The following DNAH2 variants were observed in gnomAD, a reference collection of about 807,000 sequenced individuals.
The protein encoded by DNAH2 is axonemal beta dynein heavy chain 2.
Under a neutral mutation model 523.5 loss-of-function variants are expected in DNAH2, and 323 were observed. The observed-to-expected ratio is 0.62, with a 90% CI of 0.56 to 0.68. The LOEUF is 0.68. DNAH2 is among the 30% of genes least tolerant of loss of function. DNAH2 has a pLI of 0.00. For missense variants in DNAH2, 4,907 were observed against 5,701.5 expected (o/e 0.86, Z 4.49); for synonymous variants, 2,093 against 2,177.4 (o/e 0.96, Z 1.08).
chr17:7,770,100 C>A, intron 24 of DNAH2, 152 bp from the exon 25 acceptor site: 1 of 1,035,604 alleles, frequency 9.7e-7, no homozygotes, highest in Non-Finnish European at 1.4e-6. Context: ...TTCGTATTCC[C>A]CTGGTGCCTA....
Position 7,737,125 on chromosome 17 carries a change from A to G in DNAH2, c.1037A>G (p.Tyr346Cys), listed in dbSNP as rs750983384. The G allele has an allele frequency of 4.8e-5, 77 of 1,614,042 alleles. No homozygotes were observed. The highest frequency in any genetic ancestry group is 6.4e-5 in the Non-Finnish European group (75 of 1,180,024). ...LTFLSILKEP[Y>C]QELAFMKPKD... ...TTTTTGTCAATCCTGAAGGAACCTT[A>G]CCAGGAGTTGGCTTTCATGAAGCCC... The change falls in exon 8 of 86, where the codon TAC (tyrosine) becomes TGC (cysteine). Residue 346 changes from tyrosine to cysteine, a missense_variant. This residue lies in a region of DNAH2 where 2,806 missense variants were observed against 3,190.8 expected (regional missense o/e 0.88). Transcript: ENST00000572933.
chr17:7,771,594 C>T (rs2076318176), intron 28 of DNAH2, 126 bp downstream of exon 28: 10 of 1,047,642 alleles, frequency 9.5e-6, no homozygotes, highest in African/African-American at 1.6e-5. Context: ...ATCTCCATCA[C>T]CTCTTCTAAG....
chr17:7,798,313 A>T lies in DNAH2; in HGVS notation c.8387A>T (p.Glu2796Val). Reference protein sequence around the residue: ...IEVTKHYRKQEFRDDIKRLYR... With the variant: ...IEVTKHYRKQVFRDDIKRLYR... Reference sequence around the variant, plus strand: ...GTCACCAAACATTATCGGAAGCAGGAGTTCCGAGATGGTACGGCTGGGTTT... The same window carrying T: ...GTCACCAAACATTATCGGAAGCAGGTGTTCCGAGATGGTACGGCTGGGTTT... Residue 2796 changes from glutamate to valine, a missense_variant, in exon 54 of 86, where the codon GAG becomes GTG. Coordinates refer to ENST00000572933, the MANE Select transcript of DNAH2 (RefSeq NM_020877.5). This position sits in a 1 kb window ranked among gnomAD's most constrained non-coding sequence, Gnocchi z 5.5. 6.2e-7 allele frequency: 1 copy of T among 1,610,538 alleles called. No individual in the cohort carries two copies.
intron 47 of DNAH2, 30 bp downstream of exon 47, chr17:7,792,885 C>T (rs371560548): frequency 5.4e-5 from 87 of 1,605,548 alleles, no homozygotes; most frequent in African/African-American, 6.7e-5. Flanking sequence ...GCCAGGCTGC[C>T]GGCTCCCTTG....
chr17:7,824,342 C>G, intron 76 of DNAH2, 38 bp downstream of exon 76: 1 of 1,496,584 alleles, frequency 6.7e-7, no homozygotes, highest in South Asian at 1.4e-5. Context: ...CATCTTCAGC[C>G]CAGTCCTTGT....
chr17:7,797,397 CAG>C lies in DNAH2; in HGVS notation c.7950_7951del. 6.2e-7 allele frequency: 1 copy of C among 1,614,136 alleles called. No homozygotes were observed. The highest frequency in any genetic ancestry group is 8.5e-7 in the Non-Finnish European group (1 of 1,180,036). ...CGATCTCACCCCAGTTCCCTGCCCA[CAG>C]AGTCTTCTCTGACCGGCTGGTTGAT... On this transcript the variant is annotated splice_acceptor_variant, in intron 51 of 85. Transcript: ENST00000572933. LOFTEE classifies it high-confidence loss of function.
At chr17:7,781,716 G>A (rs919528868) in intron 39 of DNAH2, among the ~76,000 whole-genome samples, 7 of 152,194 alleles carry the variant, frequency 4.6e-5, no homozygotes, top group African/African-American at 1.7e-4. Context: ...ACCTGCTCAA[G>A]TGCATCCATG....
intron 61 of DNAH2, 145 bp downstream of exon 61, chr17:7,805,538 G>A (rs928667711): frequency 2.9e-5 from 35 of 1,224,582 alleles, no homozygotes; most frequent in Non-Finnish European, 3.4e-5. Context: ...AAAGGAGACC[G>A]CATGAATATC....
At chr17:7,788,370 G>A in intron 44 of DNAH2, 126 bp downstream of exon 44, 1 of 1,226,406 alleles carries the variant, frequency 8.2e-7, no homozygotes, top group South Asian at 1.6e-5. Context: ...GAGACTCCAG[G>A]GGGAGGCTTC....
chr17:7,741,281 TCTTTCTTTCTTTCTTCCTTC>T lies in DNAH2; in HGVS notation c.1689+293_1689+312del, dbSNP rs1567624648. 3.7e-4 allele frequency among the ~76,000 whole-genome samples: 21 copies of T among 56,652 alleles called. No homozygotes were observed. In the East Asian group the frequency reaches 4.5e-3, roughly 12 times the overall value. 37.2% of individuals were successfully genotyped at this position (56,652 alleles called of 152,430 possible). On this transcript the variant is annotated intron_variant, in intron 11 of 85. Coordinates refer to ENST00000572933, the MANE Select transcript of DNAH2 (RefSeq NM_020877.5). ...TTCTTTCTTTCTTTCTTTCTTTCTTTCTTTCTTTCTTTCTTCCTTCCTTCCCTCCCTCCCTCCCTCCCTCC... is the reference window on the plus strand; with the variant it reads ...TTCTTTCTTTCTTTCTTTCTTTCTTTCTTCCCTCCCTCCCTCCCTCCCTCC...
In DNAH2 at chr17:7,781,097, C is replaced by A. The variant is rs369752188; in HGVS notation, c.6059C>A (p.Ala2020Glu). Residue 2020 changes from alanine to glutamate, a missense_variant, in exon 39 of 86, where the codon GCA (alanine) becomes GAA (glutamate). Ala to Glu is a moderately radical substitution (Grantham distance 107). This residue lies in a region of DNAH2 where 2,806 missense variants were observed against 3,190.8 expected (regional missense o/e 0.88). Transcript: ENST00000572933. Reference sequence around the variant, plus strand: ...ATCGCCAAGCTCACTTCAGTTGATGCACCCCTGTTCAATGCCATCGTGCAA... The same window carrying A: ...ATCGCCAAGCTCACTTCAGTTGATGAACCCCTGTTCAATGCCATCGTGCAA... ...MNIAKLTSVD[A>E]PLFNAIVQDL... 23 of 1,614,214 alleles carry A rather than the reference C, an allele frequency of 1.4e-5. No homozygotes were observed. The highest frequency in any genetic ancestry group is 1.6e-5 in the Non-Finnish European group (19 of 1,180,022).
At chr17:7,801,455 T>A in intron 56 of DNAH2, 123 bp from the exon 57 acceptor site, 2 of 1,371,854 alleles carry the variant, frequency 1.5e-6, no homozygotes, top group South Asian at 2.6e-5. Flanking sequence ...GACAAGGAGA[T>A]ACAGGAGCAA....
Position 7,817,580 on chromosome 17 carries a change from C to T in DNAH2, c.10040C>T (p.Pro3347Leu). The change falls in exon 66 of 86, where the codon CCT becomes CTT. Residue 3347 changes from proline to leucine, a missense_variant. Pro to Leu is a moderately conservative substitution (Grantham distance 98). This residue lies in a region of DNAH2 where 1,851 missense variants were observed against 2,139.4 expected (regional missense o/e 0.87). Coordinates refer to ENST00000572933, the MANE Select transcript of DNAH2 (RefSeq NM_020877.5). ...WIGKIWELQV[P>L]CSPSFAIDNF... is the part of the protein sequence containing the mutation. ...CCCCAGATCTGGGAGCTTCAGGTTC[C>T]TTGCTCCCCTTCTTTCGCCATCGAT... The T allele has an allele frequency of 6.2e-7, 1 of 1,614,168 alleles. No homozygotes were observed. The highest frequency in any genetic ancestry group is 8.5e-7 in the Non-Finnish European group (1 of 1,180,016).
At chr17:7,762,413 G>A (rs1015312300) in intron 18 of DNAH2, among the ~76,000 whole-genome samples, 3 of 139,578 alleles carry the variant, frequency 2.1e-5, no homozygotes, top group African/African-American at 2.7e-5. Flanking sequence ...TCTGCTCACC[G>A]CAAGCTCCGC....
At position 7,818,636 on chromosome 17, in the gene DNAH2, C is replaced by A. The variant is rs554323687; in HGVS notation, c.10537-7C>A. On this transcript the variant is annotated splice_polypyrimidine_tract_variant and splice_region_variant and intron_variant, in intron 69 of 85. Coordinates refer to ENST00000572933, the MANE Select transcript of DNAH2 (RefSeq NM_020877.5). The stretch of plus-strand genomic sequence containing the variant: ...CAGCCCCTCACTGTGAGTCCTGATG[C>A]CCCCAGGGCCTGGAGGCCCAGCTGC... 3.4e-5 allele frequency: 55 copies of A among 1,613,528 alleles called. No homozygotes were observed. The East Asian group carries it at 1.2e-3, about 36-fold the overall frequency.
At chr17:7,725,071 T>C (rs996070621) in intron 3 of DNAH2, among the ~76,000 whole-genome samples, 2 of 151,450 alleles carry the variant, frequency 1.3e-5, no homozygotes, top group African/African-American at 4.9e-5. Flanking sequence ...ATTAAACCTT[T>C]TCACAAAACA....
intron 4 of DNAH2, among the ~76,000 whole-genome samples, chr17:7,729,983 A>T (rs146665058): frequency 1.4e-3 from 206 of 152,328 alleles, no homozygotes; most frequent in African/African-American, 4.7e-3. Flanking sequence ...AATGAAAAGA[A>T]ATTGCATGGT....
intron 63 of DNAH2, among the ~76,000 whole-genome samples, chr17:7,808,554 G>A (rs1440811385): frequency 6.6e-6 from 1 of 152,140 alleles, no homozygotes; most frequent in African/African-American, 2.4e-5. Flanking sequence ...AAGTGTGAAA[G>A]GTACAAAGGA....
At chr17:7,729,837 A>G (rs368107449) in intron 4 of DNAH2, among the ~76,000 whole-genome samples, 3 of 152,220 alleles carry the variant, frequency 2.0e-5, no homozygotes, top group Admixed American at 6.5e-5. Flanking sequence ...TGAATAAAAC[A>G]TAAAACACCC....
Sources: allele counts gnomAD v4.1 joint callset (sites outside exome capture counted in the v4.1 genomes callset), GRCh38; gene constraint gnomAD v4.1.1; regional missense constraint gnomAD v4.1.1; non-coding constraint Gnocchi (gnomAD v3.1); transcripts MANE v1.5; gene names NCBI Gene and HGNC (gene_info 2026-07-23, HGNC 2026-07-21).